Variants in FABP12 observed in about 807,000 individuals in gnomAD.
FABP12 encodes fatty acid binding protein 12.
In FABP12, 19 loss-of-function variants were observed where a neutral mutation model predicts 13.7. The ratio of observed to expected loss-of-function variants is 1.39; its 90% CI spans 0.97 to 2.04. FABP12 has a LOEUF of 2.04. Ranked by LOEUF, FABP12 falls within the 30% of genes most tolerant of loss-of-function variation. FABP12 has a pLI of 0.00. For missense variants in FABP12, 182 were observed against 164.2 expected, an observed-to-expected ratio of 1.11 and a Z score of -0.59; for synonymous variants, 61 against 57.0, an observed-to-expected ratio of 1.07 and a Z score of -0.32.
chr8:81,564,988 A>G (rs886480582), intron 1 of FABP12, among the ~76,000 whole-genome samples: 21 of 152,150 alleles, frequency 1.4e-4, no homozygotes, highest in South Asian at 2.1e-4. Context: ...AAAGGGATAT[A>G]AAAAAACAAT....
chr8:81,541,910 T>TAAAAAAAAAAAAAAAAAAAAA, intron 1 of FABP12, among the ~76,000 whole-genome samples: 1 of 71,156 alleles, frequency 1.4e-5, no homozygotes, highest in Non-Finnish European at 2.7e-5. Context: ...TCCCAGGGTT[T>TAAAAAAAAAAAAAAAAAAAAA]AAAAAAAAAA....
chr8:81,581,215 G>A (rs1225697382), intron 1 of FABP12, among the ~76,000 whole-genome samples: 2 of 152,172 alleles, frequency 1.3e-5, no homozygotes, highest in Non-Finnish European at 2.9e-5. Flanking sequence ...AGGCTCTTAT[G>A]CCTTTGTTGA....
At chr8:81,564,403 A>G (rs1387476294) in intron 1 of FABP12, among the ~76,000 whole-genome samples, 3 of 152,160 alleles carry the variant, frequency 2.0e-5, no homozygotes, top group Non-Finnish European at 4.4e-5. Context: ...ATAATTGTGG[A>G]GTGTAAACTG....
At chr8:81,578,082 A>T (rs1810084560) in intron 1 of FABP12, among the ~76,000 whole-genome samples, 1 of 152,232 alleles carries the variant, frequency 6.6e-6, no homozygotes, top group Admixed American at 6.5e-5. Context: ...GTTAAACACC[A>T]GTGAACTTTT....
In FABP12 at chr8:81,529,315, T is replaced by C. The variant is rs1435563069; in HGVS notation, c.246+123A>G. The C allele has an allele frequency of 1.2e-5, 11 of 942,432 alleles. No individual in the cohort carries two copies. The East Asian group carries it at 1.7e-4, about 14-fold the overall frequency. The allele number at this position is 942,432 out of a possible 1,614,324, so 58.4% of individuals were successfully genotyped here. On this transcript the variant is annotated intron_variant, in intron 3 of 4. Transcript: ENST00000360464. ...CTTCACATTGACATCCTTAGACCTATGTTTTAGACAAAAGTTCCTCTTAAG... is the reference window on the plus strand; with the variant it reads ...CTTCACATTGACATCCTTAGACCTACGTTTTAGACAAAAGTTCCTCTTAAG...
chr8:81,568,345 A>T (rs1809866194), intron 1 of FABP12, among the ~76,000 whole-genome samples: 1 of 152,248 alleles, frequency 6.6e-6, no homozygotes, highest in Non-Finnish European at 1.5e-5. Flanking sequence ...TCAAAAGAAG[A>T]CATACAAATG....
At chr8:81,567,766 A>G (rs753063802) in intron 1 of FABP12, among the ~76,000 whole-genome samples, 5 of 152,222 alleles carry the variant, frequency 3.3e-5, no homozygotes, top group Non-Finnish European at 7.3e-5. Flanking sequence ...TCTCTTGAGT[A>G]ATACTCCACG....
At chr8:81,527,884 G>A (rs1808949386) in intron 3 of FABP12, among the ~76,000 whole-genome samples, 1 of 151,936 alleles carries the variant, frequency 6.6e-6, no homozygotes. Context: ...ACCTGAGCCT[G>A]GGTGGTTGAG....
intron 2 of FABP12, among the ~76,000 whole-genome samples, chr8:81,530,247 T>TTGTCTTGGAAGTTTTCCCCTTATCTA (rs1241292120): frequency 1.3e-5 from 2 of 152,194 alleles, no homozygotes; most frequent in Non-Finnish European, 2.9e-5. Flanking sequence ...TCCCCTTATC[T>TTGTCTTGGAAGTTTTCCCCTTATCTA]TGTCTTGGAA....
intron 1 of FABP12, among the ~76,000 whole-genome samples, chr8:81,569,878 G>A (rs1809892910): frequency 6.6e-6 from 1 of 152,182 alleles, no homozygotes; most frequent in Non-Finnish European, 1.5e-5. Flanking sequence ...CTTTGCCCAA[G>A]TTTTGCTCAG....
At chr8:81,561,754 C>A (rs777096220) in intron 1 of FABP12, among the ~76,000 whole-genome samples, 1 of 152,154 alleles carries the variant, frequency 6.6e-6, no homozygotes, top group Non-Finnish European at 1.5e-5. Flanking sequence ...CTGAGGCCAG[C>A]CCTAGGCAGA....
intron 1 of FABP12, among the ~76,000 whole-genome samples, chr8:81,546,772 T>C (rs918891762): frequency 9.2e-5 from 14 of 152,264 alleles, no homozygotes; most frequent in Admixed American, 9.2e-4. Context: ...AGAAAACTTC[T>C]GTGATAAAAT....
intron 1 of FABP12, among the ~76,000 whole-genome samples, chr8:81,563,561 G>T (rs1167504887): frequency 6.6e-6 from 1 of 152,104 alleles, no homozygotes; most frequent in African/African-American, 2.4e-5. Flanking sequence ...TTCAGAGTCT[G>T]ATCAGATAAA....
chr8:81,559,127 CA>C (rs1202129338), intron 1 of FABP12, among the ~76,000 whole-genome samples: 2 of 152,150 alleles, frequency 1.3e-5, no homozygotes, highest in East Asian at 3.9e-4. Context: ...AGTCTTATCC[CA>C]AATTTCACCC....
At chr8:81,572,797 T>C (rs889264443) in intron 1 of FABP12, among the ~76,000 whole-genome samples, 3 of 151,788 alleles carry the variant, frequency 2.0e-5, no homozygotes, top group Admixed American at 6.6e-5. Context: ...TTTGATGTGA[T>C]TGTTTGTTTT....
At chr8:81,576,947 AT>A (rs1369795471) in intron 1 of FABP12, among the ~76,000 whole-genome samples, 4 of 152,340 alleles carry the variant, frequency 2.6e-5, no homozygotes, top group African/African-American at 9.6e-5. Context: ...TGTTTATGGC[AT>A]TGGACAAAAG....
chr8:81,529,850 G>A (rs570489413), intron 2 of FABP12, among the ~76,000 whole-genome samples: 4 of 152,184 alleles, frequency 2.6e-5, no homozygotes, highest in African/African-American at 4.8e-5. Flanking sequence ...AAAAAAATCT[G>A]TCTCTAGTTG....
intron 3 of FABP12, among the ~76,000 whole-genome samples, chr8:81,528,522 G>A (rs1006701654): frequency 2.0e-5 from 3 of 152,106 alleles, no homozygotes; most frequent in African/African-American, 4.8e-5. Flanking sequence ...TGGCATGATA[G>A]TTCCTTTTAT....
At chr8:81,575,637 A>G (rs944166493) in intron 1 of FABP12, among the ~76,000 whole-genome samples, 6 of 152,174 alleles carry the variant, frequency 3.9e-5, no homozygotes, top group African/African-American at 7.2e-5. Context: ...TGGGAGCTCC[A>G]GTGTTAGCTG....
Sources: gnomAD v4.1 joint callset for allele counts (sites outside exome capture counted in the v4.1 genomes callset) on GRCh38, gnomAD v4.1.1 for gene constraint, MANE v1.5 for transcripts, NCBI Gene and HGNC (gene_info 2026-07-23, HGNC 2026-07-21) for gene names.